Variants in LARGE1 observed in about 807,000 individuals in gnomAD.
LARGE1 encodes the protein xylosyl- and glucuronyltransferase LARGE1.
Under a neutral mutation model 87.6 loss-of-function variants are expected in LARGE1, and 43 were observed. The observed-to-expected ratio is 0.49, with a 90% CI of 0.38 to 0.63. The LOEUF (loss-of-function observed/expected upper bound fraction) is 0.63. Ranked by LOEUF, LARGE1 falls within the 30% of genes least tolerant of loss-of-function variation. The pLI, the probability that LARGE1 is intolerant of heterozygous loss-of-function variation, is 0.00. For synonymous variants in LARGE1, 434 were observed against 394.6 expected, an observed-to-expected ratio of 1.10 and a Z score of -1.18; for missense variants, 802 against 1,000.2, an observed-to-expected ratio of 0.80 and a Z score of 2.67.
intron 4 of LARGE1, among the ~76,000 whole-genome samples, chr22:33,619,208 A>C (rs552595843): frequency 6.6e-6 from 1 of 152,308 alleles, no homozygotes; most frequent in Admixed American, 6.5e-5. Context: ...CAAAATGATT[A>C]TGGAGATCAC....
chr22:33,884,312 A>T (rs1669475431), intron 1 of LARGE1, among the ~76,000 whole-genome samples: 1 of 152,202 alleles, frequency 6.6e-6, no homozygotes, highest in Non-Finnish European at 1.5e-5. Context: ...AGGGAACATT[A>T]TCCTGGGTCA....
chr22:33,864,299 G>GT (rs1182494530), intron 1 of LARGE1, among the ~76,000 whole-genome samples: 1 of 152,162 alleles, frequency 6.6e-6, no homozygotes, highest in Non-Finnish European at 1.5e-5. Flanking sequence ...AGGCCCCTAT[G>GT]TTCAGGAAGG....
chr22:33,218,451 A>G (rs1227246385), intron 11 of LARGE1, among the ~76,000 whole-genome samples: 1 of 152,140 alleles, frequency 6.6e-6, no homozygotes, highest in Non-Finnish European at 1.5e-5. Flanking sequence ...TTCATAGGTC[A>G]ATTCTTTGAA....
intron 11 of LARGE1, among the ~76,000 whole-genome samples, chr22:33,311,251 C>T (rs567990367): frequency 1.3e-5 from 2 of 152,138 alleles, no homozygotes; most frequent in African/African-American, 4.8e-5. Flanking sequence ...TGAGCCACCG[C>T]GCCCGGCCCC....
At chr22:33,872,161 C>T (rs573761761) in intron 1 of LARGE1, among the ~76,000 whole-genome samples, 5 of 151,962 alleles carry the variant, frequency 3.3e-5, no homozygotes, top group African/African-American at 1.2e-4. Flanking sequence ...TCACTCCACA[C>T]ACAGCACGCT....
intron 9 of LARGE1, among the ~76,000 whole-genome samples, chr22:33,352,716 C>T (rs1431149280): frequency 6.6e-6 from 1 of 152,062 alleles, no homozygotes; most frequent in Non-Finnish European, 1.5e-5. Context: ...GAGCTGAGAT[C>T]ACACCACTGC....
At chr22:33,686,560 A>AAAAG (rs2081950264) in intron 2 of LARGE1, among the ~76,000 whole-genome samples, 2 of 132,806 alleles carry the variant, frequency 1.5e-5, no homozygotes, top group Non-Finnish European at 1.6e-5. Flanking sequence ...AAAAAAAAAA[A>AAAAG]AAAAAACAAA....
chr22:33,569,343 C>T (rs1023501081), intron 5 of LARGE1, among the ~76,000 whole-genome samples: 15 of 152,190 alleles, frequency 9.9e-5, no homozygotes, highest in African/African-American at 3.6e-4. Context: ...TTTTAACACA[C>T]ATGTGAGGCA....
At chr22:33,434,298 A>G (rs1019172815) in intron 6 of LARGE1, among the ~76,000 whole-genome samples, 1 of 152,140 alleles carries the variant, frequency 6.6e-6, no homozygotes, top group African/African-American at 2.4e-5. Context: ...TGGGTATCCC[A>G]AGGGTCTTTT....
At chr22:33,713,859 G>A (rs1295817659) in intron 2 of LARGE1, among the ~76,000 whole-genome samples, 1 of 152,138 alleles carries the variant, frequency 6.6e-6, no homozygotes, top group East Asian at 1.9e-4. Context: ...AGGAGGCTGA[G>A]GTGAGAGGAT....
chr22:33,324,305 CA>C (rs1210522799), intron 10 of LARGE1, among the ~76,000 whole-genome samples: 4 of 117,456 alleles, frequency 3.4e-5, no homozygotes, highest in African/African-American at 1.1e-4. Context: ...ACCCCCCCCC[CA>C]AAACAAACAA....
intron 1 of LARGE1, among the ~76,000 whole-genome samples, chr22:33,862,168 G>A (rs2063946881): frequency 6.6e-6 from 1 of 152,080 alleles, no homozygotes; most frequent in Non-Finnish European, 1.5e-5. Flanking sequence ...GCAGGAACCA[G>A]ATGTTTCTAA....
chr22:33,181,275 A>G (rs899180453), intron 11 of LARGE1, among the ~76,000 whole-genome samples: 12 of 152,152 alleles, frequency 7.9e-5, no homozygotes, highest in Non-Finnish European at 1.5e-4. Flanking sequence ...TAATTAACCT[A>G]CTCTTTAAAG....
intron 9 of LARGE1, among the ~76,000 whole-genome samples, chr22:33,350,647 G>A (rs968835253): frequency 2.0e-5 from 3 of 152,148 alleles, no homozygotes; most frequent in African/African-American, 7.2e-5. Flanking sequence ...CGTAGGATTC[G>A]CTGCTTGGAA....
At chr22:33,682,776 A>C (rs1377019656) in intron 2 of LARGE1, among the ~76,000 whole-genome samples, 1 of 152,198 alleles carries the variant, frequency 6.6e-6, no homozygotes, top group Non-Finnish European at 1.5e-5. Flanking sequence ...ACTGTGAGCC[A>C]GGCACTCTGC....
chr22:33,714,031 C>CATAACATAACATAAT (rs1189068227), intron 2 of LARGE1, among the ~76,000 whole-genome samples: 17 of 147,390 alleles, frequency 1.2e-4, no homozygotes, highest in African/African-American at 1.3e-4. Context: ...CATAACATAA[C>CATAACATAACATAAT]ATAAAACAAA....
chr22:33,882,434 GC>G (rs1287827563), intron 1 of LARGE1, among the ~76,000 whole-genome samples: 1 of 151,962 alleles, frequency 6.6e-6, no homozygotes, highest in Non-Finnish European at 1.5e-5. Context: ...ATACCAAGAT[GC>G]CCCCCCACAC....
chr22:33,524,248 G>A (rs1307938238), intron 6 of LARGE1, among the ~76,000 whole-genome samples: 19 of 147,384 alleles, frequency 1.3e-4, no homozygotes, highest in Middle Eastern at 3.5e-3. Context: ...CTGAGATTGC[G>A]CCATTGCACT....
the LARGE1 span, among the ~76,000 whole-genome samples, chr22:33,117,157 T>C: frequency 6.6e-5 from 10 of 152,230 alleles, no homozygotes; most frequent in Non-Finnish European, 1.3e-4. Flanking sequence ...ATCATCTACC[T>C]TCCTAGTTAC....
Sources: allele counts gnomAD v4.1 joint callset (sites outside exome capture counted in the v4.1 genomes callset), GRCh38; gene constraint gnomAD v4.1.1; transcripts MANE v1.5; gene names NCBI Gene and HGNC (gene_info 2026-07-23, HGNC 2026-07-21).